The following SRGAP3 variants were observed in gnomAD, a reference collection of about 807,000 sequenced individuals.
SRGAP3 encodes the protein SLIT-ROBO Rho GTPase-activating protein 3.
A neutral mutation model predicts 121.1 loss-of-function variants in SRGAP3; 39 were observed. The ratio of observed to expected loss-of-function variants is 0.32; its 90% CI spans 0.25 to 0.42. The LOEUF (loss-of-function observed/expected upper bound fraction) is 0.42, where lower values mean the gene tolerates loss of function less well. SRGAP3 is among the 10% of genes least tolerant of loss of function. The probability of loss-of-function intolerance (pLI) is 1.00; values close to 1 mark genes in which losing one functional copy is unlikely to be tolerated. For synonymous variants in SRGAP3, 601 were observed against 570.0 expected (o/e 1.05, Z -0.77); for missense variants, 1,213 against 1,470.6 (o/e 0.82, Z 2.86).
Position 9,077,856 on chromosome 3 carries a change from C to T in SRGAP3, c.486+2169G>A, listed in dbSNP as rs139162880. Among the ~76,000 whole-genome samples, 5 of 152,336 alleles carry T rather than the reference C, an allele frequency of 3.3e-5. No individual in the cohort carries two copies. In the East Asian group the frequency reaches 7.7e-4, roughly 24 times the overall value. On this transcript the variant is annotated intron_variant, in intron 4 of 21. Transcript: ENST00000383836. ...ACAAACCACAGAAAGGTGACCATCCCTGTTTGTCACAGGTGAAACTGACAA... is the reference window on the plus strand; with the variant it reads ...ACAAACCACAGAAAGGTGACCATCCTTGTTTGTCACAGGTGAAACTGACAA...
chr3:9,139,822 C>G (rs1949787096), intron 1 of SRGAP3, among the ~76,000 whole-genome samples: 1 of 151,994 alleles, frequency 6.6e-6, no homozygotes, highest in African/African-American at 2.4e-5. Context: ...ATAAGATGAC[C>G]AGAAGAAGGA....
At chr3:9,116,963 C>T (rs762841234) in intron 2 of SRGAP3, among the ~76,000 whole-genome samples, 4 of 152,340 alleles carry the variant, frequency 2.6e-5, no homozygotes, top group African/African-American at 7.2e-5. Context: ...ACTTGGTCCA[C>T]GGTGATGTGG....
At chr3:9,224,288 C>T (rs1184053559) in intron 1 of SRGAP3, among the ~76,000 whole-genome samples, 1 of 152,222 alleles carries the variant, frequency 6.6e-6, no homozygotes. Context: ...AACTAGGTAG[C>T]AGCCATGACA....
chr3:9,236,589 T>C (rs371346034), intron 1 of SRGAP3, among the ~76,000 whole-genome samples: 3 of 150,880 alleles, frequency 2.0e-5, no homozygotes, highest in East Asian at 1.9e-4. Context: ...TCCCCCCCCC[T>C]CTTCTTCCTA....
intron 1 of SRGAP3, among the ~76,000 whole-genome samples, chr3:9,130,221 C>A (rs1043360545): frequency 5.9e-5 from 9 of 152,128 alleles, no homozygotes; most frequent in African/African-American, 2.2e-4. Context: ...ACCACTCACC[C>A]CCCACACATA....
intron 3 of SRGAP3, among the ~76,000 whole-genome samples, chr3:9,088,833 C>G (rs958053895): frequency 1.3e-5 from 2 of 152,088 alleles, no homozygotes; most frequent in Non-Finnish European, 1.5e-5. Flanking sequence ...CCAGCAATGC[C>G]GAGCCCCTGT....
At chr3:9,046,787 T>G (rs1295442486) in intron 10 of SRGAP3, among the ~76,000 whole-genome samples, 1 of 152,078 alleles carries the variant, frequency 6.6e-6, no homozygotes, top group African/African-American at 2.4e-5. Flanking sequence ...GGACTGTCCC[T>G]GCCAACCTAA....
intron 1 of SRGAP3, among the ~76,000 whole-genome samples, chr3:9,243,754 C>T (rs1013074021): frequency 1.3e-5 from 2 of 152,044 alleles, no homozygotes; most frequent in Non-Finnish European, 2.9e-5. Flanking sequence ...TGGCTGAGGC[C>T]CCTCACCAAG....
At chr3:9,067,006 G>T (rs558745597) in intron 4 of SRGAP3, among the ~76,000 whole-genome samples, 1 of 152,082 alleles carries the variant, frequency 6.6e-6, no homozygotes, top group African/African-American at 2.4e-5. Flanking sequence ...CTGCTTCCTC[G>T]TCTGTAAAAA....
At chr3:9,072,650 A>G (rs1279595861) in intron 4 of SRGAP3, among the ~76,000 whole-genome samples, 1 of 152,234 alleles carries the variant, frequency 6.6e-6, no homozygotes, top group Admixed American at 6.5e-5. Context: ...GCCCGGCAGG[A>G]GCCTCAGTAT....
At chr3:9,304,522 T>G (rs1457930183) in intron 3 of SRGAP3, among the ~76,000 whole-genome samples, 1 of 152,154 alleles carries the variant, frequency 6.6e-6, no homozygotes, top group African/African-American at 2.4e-5. Flanking sequence ...GCAGCCCTGG[T>G]GGGTAGGTAG....
At chr3:9,172,713 A>T (rs386011) in intron 1 of SRGAP3, among the ~76,000 whole-genome samples, 27,746 of 152,186 alleles carry the variant, frequency 0.18, 3,114 homozygotes, top group Non-Finnish European at 0.26. Flanking sequence ...GGGCACTTGA[A>T]GGAAGAGCCA....
chr3:9,091,080 A>T (rs1057034979), intron 3 of SRGAP3, among the ~76,000 whole-genome samples: 9 of 151,770 alleles, frequency 5.9e-5, no homozygotes, highest in Non-Finnish European at 1.0e-4. Context: ...AAGACCTCTC[A>T]CACACACACA....
chr3:9,331,446 A>G (rs1955606486), intron 1 of SRGAP3, among the ~76,000 whole-genome samples: 1 of 152,218 alleles, frequency 6.6e-6, no homozygotes, highest in Non-Finnish European at 1.5e-5. Flanking sequence ...ATAAATACAT[A>G]AAGACTCAGC....
intron 1 of SRGAP3, among the ~76,000 whole-genome samples, chr3:9,197,143 T>C (rs1217110826): frequency 6.6e-6 from 1 of 152,158 alleles, no homozygotes; most frequent in Non-Finnish European, 1.5e-5. Flanking sequence ...CAGGGTGTAC[T>C]GGCCTAAAGA....
chr3:9,113,170 G>A (rs1948692231), intron 2 of SRGAP3, among the ~76,000 whole-genome samples: 1 of 152,198 alleles, frequency 6.6e-6, no homozygotes, highest in Admixed American at 6.5e-5. Context: ...TGTAGGTGCT[G>A]TCACACAGGA....
At chr3:9,257,331 G>A (rs1954152767) in intron 3 of SRGAP3, 1 of 141,360 alleles carries the variant, frequency 7.1e-6, no homozygotes, top group Admixed American at 7.8e-5. Context: ...TTTGAAGGAA[G>A]ACACCAAAGC....
intron 1 of SRGAP3, among the ~76,000 whole-genome samples, chr3:9,199,611 G>GT (rs368711558): frequency 1.3e-5 from 2 of 152,090 alleles, no homozygotes; most frequent in African/African-American, 4.8e-5. Context: ...GCTTTTGTTT[G>GT]TTTTTTATTA....
At chr3:9,046,749 G>C (rs1200470734) in intron 10 of SRGAP3, among the ~76,000 whole-genome samples, 1 of 152,110 alleles carries the variant, frequency 6.6e-6, no homozygotes, top group Non-Finnish European at 1.5e-5. Context: ...CTCCCTACCT[G>C]ATGGATGCCC....
Sources: gnomAD v4.1 joint callset for allele counts (sites outside exome capture counted in the v4.1 genomes callset) on GRCh38, gnomAD v4.1.1 for gene constraint, MANE v1.5 for transcripts, NCBI Gene and HGNC (gene_info 2026-07-23, HGNC 2026-07-21) for gene names.